LTBP2: variants seen among roughly 807,000 people sequenced by gnomAD.
LTBP2 encodes the protein latent transforming growth factor beta binding protein 2, also known as latent-transforming growth factor beta-binding protein 2.
Under a neutral mutation model 210.6 loss-of-function variants are expected in LTBP2, and 103 were observed. The ratio of observed to expected loss-of-function variants is 0.49; its 90% CI spans 0.42 to 0.58. LTBP2 has a LOEUF of 0.58. Among genes scored for constraint, LTBP2 ranks in the 20% least tolerant of loss-of-function variants. LTBP2 has a pLI of 0.00. For missense variants in LTBP2, 2,313 were observed against 2,494.5 expected (o/e 0.93, Z 1.55); for synonymous variants, 1,007 against 1,015.0 (o/e 0.99, Z 0.15).
At chr14:74,503,645 C>T (rs760140419) in intron 31 of LTBP2, 39 bp from the exon 32 acceptor site, 1 of 1,610,194 alleles carries the variant, frequency 6.2e-7, no homozygotes, top group East Asian at 2.2e-5. Context: ...GCCAAGGTGG[C>T]CTTTCCACCA....
Position 74,502,691 on chromosome 14 carries a change from G to A in LTBP2, c.5132C>T (p.Pro1711Leu). 6.2e-7 allele frequency: 1 copy of A among 1,614,186 alleles called. No homozygotes were observed. Among genetic ancestry groups the A allele is most frequent in the South Asian group, 1.1e-5 (1 of 91,080 alleles). ...RTPILESPLQ[P>L]SELQPHYVAS... ...CACGTAGTGGGGCTGGAGTTCTGAG[G>A]GCTGCAAAGGAGACTCAAGGATGGG... is the stretch of plus-strand genomic sequence containing the variant. The change falls in exon 34 of 36, where the codon CCC (proline) becomes CTC (leucine). Residue 1711 changes from proline to leucine, a missense_variant. Around this residue, in one of 3 missense-constraint regions of LTBP2, gnomAD observed 443 missense variants for 501.4 expected, o/e 0.88. Transcript: ENST00000261978.
chr14:74,549,651 G>A (rs1595268798), intron 8 of LTBP2, among the ~76,000 whole-genome samples: 1 of 152,246 alleles, frequency 6.6e-6, no homozygotes, highest in African/African-American at 2.4e-5. Context: ...GCAATCAGAT[G>A]GAGCAGGCAG....
rs773468841 is a variant in LTBP2, at chr14:74,603,674, C to T, written c.526G>A (p.Gly176Arg). ...TTGGTGCTGTTTGCTGTTGTCCATC[C>T]TGGGCAGCACTGTCCCCCGCAGACG... Reference protein sequence around the residue: ...RNVCGGQCCPGWTTANSTNHC... With the variant: ...RNVCGGQCCPRWTTANSTNHC... Residue 176 changes from glycine to arginine, a missense_variant, in exon 2 of 36, where the codon GGA (glycine) becomes AGA (arginine). By Grantham distance (125) the Gly-to-Arg change is moderately radical. Transcript: ENST00000261978. 6.2e-7 allele frequency: 1 copy of T among 1,614,180 alleles called. No individual in the cohort carries two copies. The highest frequency in any genetic ancestry group is 8.5e-7 in the Non-Finnish European group (1 of 1,180,036).
chr14:74,555,079 C>A (rs900669503), intron 4 of LTBP2, among the ~76,000 whole-genome samples: 2 of 150,348 alleles, frequency 1.3e-5, no homozygotes, highest in African/African-American at 2.5e-5. Context: ...TGTGCCATGG[C>A]GTGAATCCAC....
rs1388688345 is a variant in LTBP2, at chr14:74,586,025, T to C, written c.659A>G (p.Glu220Gly). 1 of 1,605,566 alleles carries C rather than the reference T, an allele frequency of 6.2e-7. No homozygotes were observed. The highest frequency in any genetic ancestry group is 8.5e-7 in the Non-Finnish European group (1 of 1,176,334). ...GTCAAATTCCTCATCGGGAATGACC[T>C]CCTCGCAGCGGGCTCCACGGAAACC... ...RSGFRGARCEEVIPDEEFDPQ... is the reference protein window; with the variant it reads ...RSGFRGARCEGVIPDEEFDPQ... The change falls in exon 3 of 36, where the codon GAG becomes GGG. Residue 220 changes from glutamate to glycine, a missense_variant. Coordinates refer to ENST00000261978, the MANE Select transcript of LTBP2 (RefSeq NM_000428.3). The surrounding 1 kb of genome is among the most constrained non-coding windows in gnomAD (Gnocchi z 4.6).
chr14:74,611,627 C>G lies in LTBP2; in HGVS notation c.318G>C (p.Pro106=). 6.4e-7 allele frequency: 1 copy of G among 1,559,240 alleles called. No homozygotes were observed. Among genetic ancestry groups the G allele is most frequent in the Non-Finnish European group, 8.6e-7 (1 of 1,158,200 alleles). The stretch of plus-strand genomic sequence containing the variant: ...CACGCCGCGACTGCTGCGCGCGGGA[C>G]GGCCTCCTGGCCTCCGCCTCGGTGG... ...RRPTEAEARR[P]SRAQQSRRVQ... is the part of the protein sequence containing the mutation. The change falls in exon 1 of 36, where the codon CCG becomes CCC. Residue 106 remains proline, a synonymous_variant. Transcript: ENST00000261978.
At chr14:74,502,956 A>C in intron 33 of LTBP2, 22 bp from the exon 34 acceptor site, 1 of 1,608,944 alleles carries the variant, frequency 6.2e-7, no homozygotes. Context: ...GAGGGAGAGA[A>C]GGAGCTGGGT....
intron 1 of LTBP2, among the ~76,000 whole-genome samples, chr14:74,604,869 T>A (rs1389943273): frequency 1.3e-5 from 2 of 152,052 alleles, no homozygotes; most frequent in Non-Finnish European, 2.9e-5. Context: ...TTCACTCAGC[T>A]CCCCAAACTT....
At position 74,528,992 on chromosome 14, in the gene LTBP2, GC is replaced by G; in HGVS notation, c.2117del (p.Gly706AlafsTer36). On this transcript the variant is annotated frameshift_variant, in exon 11 of 36. Coordinates refer to ENST00000261978, the MANE Select transcript of LTBP2 (RefSeq NM_000428.3). LOFTEE classifies it high-confidence loss of function. ...CCCSRVGKAW[G>X]SECEKCPLPG... ...GCAGAGGGCATTTCTCACACTCGCT[GC>G]CCCATGCTTTGCCCACGCGGCTGCA... 1.2e-6 allele frequency: 2 copies of G among 1,609,712 alleles called. No homozygotes were observed. The highest frequency in any genetic ancestry group is 1.7e-6 in the Non-Finnish European group (2 of 1,178,462).
intron 2 of LTBP2, among the ~76,000 whole-genome samples, chr14:74,589,787 T>A (rs2088256099): frequency 6.6e-6 from 1 of 151,828 alleles, no homozygotes; most frequent in African/African-American, 2.4e-5. Flanking sequence ...GGCCTTGGGG[T>A]TTTTTTAGGG....
At chr14:74,507,543 C>T (rs1370137730) in intron 25 of LTBP2, among the ~76,000 whole-genome samples, 2 of 152,254 alleles carry the variant, frequency 1.3e-5, no homozygotes, top group Admixed American at 1.3e-4. Flanking sequence ...CCTTCTGTGA[C>T]ACTCCTTTTC....
intron 10 of LTBP2, among the ~76,000 whole-genome samples, chr14:74,531,573 T>A (rs1183384304): frequency 6.6e-6 from 1 of 152,148 alleles, no homozygotes; most frequent in Non-Finnish European, 1.5e-5. Context: ...AGCCACTGGG[T>A]TCAGCCTCTG....
chr14:74,535,856 A>T, intron 9 of LTBP2, 70 bp downstream of exon 9: 1 of 1,386,870 alleles, frequency 7.2e-7, no homozygotes, highest in Non-Finnish European at 1.0e-6. Context: ...AGTGACAGAC[A>T]CCCCTCCTGT....
In LTBP2 at chr14:74,501,594, G is replaced by A; in HGVS notation, c.5171-4C>T. On this transcript the variant is annotated splice_region_variant and splice_polypyrimidine_tract_variant and intron_variant, in intron 34 of 35. Coordinates refer to ENST00000261978, the MANE Select transcript of LTBP2 (RefSeq NM_000428.3). ...CCTTCGAAGCCGGCTGGGGGCTCTG[G>A]GAGGAGGAAATCGGAGAGAGGAGGA... 2 of 1,614,012 alleles carry A rather than the reference G, an allele frequency of 1.2e-6. No individual in the cohort carries two copies. Among genetic ancestry groups the A allele is most frequent in the African/African-American group, 2.7e-5 (2 of 75,048 alleles).
In LTBP2 at chr14:74,509,309, G is replaced by A. The variant is rs752483332; in HGVS notation, c.3332C>T (p.Thr1111Met). The change falls in exon 22 of 36, where the codon ACG becomes ATG. Residue 1111 changes from threonine to methionine, a missense_variant. Coordinates refer to ENST00000261978, the MANE Select transcript of LTBP2 (RefSeq NM_000428.3). Reference protein sequence around the residue: ...GVCPSGVCTNTAGSFSCKDCD... With the variant: ...GVCPSGVCTNMAGSFSCKDCD... The stretch of plus-strand genomic sequence containing the variant: ...GTCCTTGCAGGAGAAGGAGCCAGCC[G>A]TGTTGGTGCAGACTCCGGAGGGGCA... 43 of 1,613,602 alleles carry A rather than the reference G, an allele frequency of 2.7e-5. No individual in the cohort carries two copies. Among genetic ancestry groups the A allele is most frequent in the East Asian group, 2.2e-4 (10 of 44,890 alleles).
Position 74,522,849 on chromosome 14 carries a change from C to T in LTBP2, c.2600G>A (p.Gly867Glu), listed in dbSNP as rs1235182756. 1 of 1,612,812 alleles carries T rather than the reference C, an allele frequency of 6.2e-7. No individual in the cohort carries two copies. Among genetic ancestry groups the T allele is most frequent in the Admixed American group, 1.7e-5 (1 of 59,880 alleles). Residue 867 changes from glycine to glutamate, a missense_variant, in exon 16 of 36, where the codon GGA becomes GAA. By Grantham distance (98) the Gly-to-Glu change is moderately conservative. Coordinates refer to ENST00000261978, the MANE Select transcript of LTBP2 (RefSeq NM_000428.3). ...GPGTCVNLPDGYRCVCSPGYQ... is the reference protein window; with the variant it reads ...GPGTCVNLPDEYRCVCSPGYQ... ...GCCAGGGCTGCAGACACATCTGTATCCATCGGGGAGGTTCACGCAGGTTCC... is the reference window on the plus strand; with the variant it reads ...GCCAGGGCTGCAGACACATCTGTATTCATCGGGGAGGTTCACGCAGGTTCC...
Position 74,540,822 on chromosome 14 carries a change from T to TATATATATTTGTATATAATATATATA in LTBP2, c.1790-4823_1790-4822insTATATATATTATATACAAATATATAT, listed in dbSNP as rs1253529515. Among the ~76,000 whole-genome samples, 24 of 67,588 alleles carry TATATATATTTGTATATAATATATATA rather than the reference T, an allele frequency of 3.6e-4. 1 individual carries two copies. The highest frequency in any genetic ancestry group is 2.7e-3 in the South Asian group (7 of 2,554). 44.3% of individuals were successfully genotyped at this position (67,588 alleles called of 152,430 possible). Reference sequence around the variant, plus strand: ...ATATATATATATAATATATATATATTTTTATATAATATATATTTATATATA... The same window carrying TATATATATTTGTATATAATATATATA: ...ATATATATATATAATATATATATATTATATATATTTGTATATAATATATATATTTATATAATATATATTTATATATA... On this transcript the variant is annotated intron_variant, in intron 8 of 35. Transcript: ENST00000261978.
At chr14:74,606,096 G>T (rs2088522903) in intron 1 of LTBP2, among the ~76,000 whole-genome samples, 1 of 152,178 alleles carries the variant, frequency 6.6e-6, no homozygotes, top group Admixed American at 6.5e-5. Context: ...CTCCCTAGAA[G>T]GTACCTCTCA....
chr14:74,552,077 A>G (rs1239279871), intron 6 of LTBP2, 110 bp downstream of exon 6: 4 of 1,033,936 alleles, frequency 3.9e-6, no homozygotes, highest in Non-Finnish European at 5.8e-6. Context: ...TTTGATCATA[A>G]AGGAAGGACT....
Sources: allele counts gnomAD v4.1 joint callset (sites outside exome capture counted in the v4.1 genomes callset), GRCh38; gene constraint gnomAD v4.1.1; regional missense constraint gnomAD v4.1.1; non-coding constraint Gnocchi (gnomAD v3.1); transcripts MANE v1.5; gene names NCBI Gene and HGNC (gene_info 2026-07-23, HGNC 2026-07-21).